CELF2: variants seen among roughly 807,000 people sequenced by gnomAD.
The protein encoded by CELF2 is CUGBP Elav-like family member 2.
Under a neutral mutation model 62.6 loss-of-function variants are expected in CELF2, and 8 were observed. That is an observed-to-expected ratio of 0.13 (90% confidence interval 0.07 to 0.23). CELF2 has a LOEUF of 0.23. Ranked by LOEUF, CELF2 falls within the 10% of genes least tolerant of loss-of-function variation. CELF2 has a pLI of 1.00. For missense variants in CELF2, 333 were observed against 671.0 expected (o/e 0.50, Z 5.56); for synonymous variants, 258 against 250.0 (o/e 1.03, Z -0.30).
the CELF2 span, among the ~76,000 whole-genome samples, chr10:10,487,866 A>C: frequency 6.6e-6 from 1 of 152,186 alleles, no homozygotes; most frequent in Non-Finnish European, 1.5e-5. Flanking sequence ...GAACATAAGA[A>C]TGAGAAATTG....
the CELF2 span, among the ~76,000 whole-genome samples, chr10:10,480,032 A>G: frequency 6.6e-6 from 1 of 152,154 alleles, no homozygotes; most frequent in African/African-American, 2.4e-5. Context: ...GATCTCACCT[A>G]TGATTTCTGG....
intron 1 of CELF2, among the ~76,000 whole-genome samples, chr10:11,097,573 A>T (rs2050255923): frequency 6.6e-6 from 1 of 152,192 alleles, no homozygotes; most frequent in South Asian, 2.1e-4. Flanking sequence ...CAGGGAATTG[A>T]GTGCTCCGGT....
In CELF2 at chr10:11,302,399, C is replaced by G. The variant is rs146128901; in HGVS notation, c.977-11740C>G. On this transcript the variant is annotated intron_variant, in intron 9 of 12. Coordinates refer to ENST00000633077, the MANE Select transcript of CELF2 (RefSeq NM_001326342.2). The surrounding 1 kb of genome is among the most constrained non-coding windows in gnomAD (Gnocchi z 5.0). Reference sequence around the variant, plus strand: ...CCCACAACCAGAGCGTCTGACTCAGCGGGAGTGAGGGGAGCCCCAGGTGGT... The same window carrying G: ...CCCACAACCAGAGCGTCTGACTCAGGGGGAGTGAGGGGAGCCCCAGGTGGT... Among the ~76,000 whole-genome samples, 201 of 152,304 alleles carry G rather than the reference C, an allele frequency of 1.3e-3. No individual in the cohort carries two copies. In the East Asian group the frequency reaches 0.033, roughly 25 times the overall value.
At chr10:11,198,146 C>G (rs1295707204) in intron 2 of CELF2, among the ~76,000 whole-genome samples, 1 of 152,200 alleles carries the variant, frequency 6.6e-6, no homozygotes, top group Non-Finnish European at 1.5e-5. Context: ...ATCTGCTGTT[C>G]TAAGACTGAT....
chr10:10,898,874 C>T (rs899372951), intron 1 of CELF2, among the ~76,000 whole-genome samples: 3 of 152,018 alleles, frequency 2.0e-5, no homozygotes, highest in Non-Finnish European at 4.4e-5. Context: ...AAATAAGTCT[C>T]AATGAATTTA....
intron 3 of CELF2, among the ~76,000 whole-genome samples, chr10:11,240,944 T>G (rs529802448): frequency 2.8e-4 from 42 of 152,236 alleles, no homozygotes; most frequent in African/African-American, 1.0e-3. Context: ...AGACCTGGAT[T>G]CGAATCCCTG....
chr10:10,509,982 C>G, the CELF2 span, among the ~76,000 whole-genome samples: 2 of 152,194 alleles, frequency 1.3e-5, no homozygotes, highest in African/African-American at 4.8e-5. Context: ...ACAACCAAGG[C>G]CCAGCACCTG....
chr10:11,326,037 G>A lies in CELF2; in HGVS notation c.1438+58G>A, dbSNP rs138208769. 1,729 of 1,526,868 alleles carry A rather than the reference G, an allele frequency of 1.1e-3. 23 individuals are homozygous for A. In the African/African-American group the frequency reaches 0.021, roughly 19 times the overall value. The allele number at this position is 1,526,868 out of a possible 1,614,324, so 94.6% of individuals were successfully genotyped here. ...GTAGGTTCCCAAGTGAAGAGTCGTG[G>A]GAAGGAAAATGTGAGACAGTTTCAG... On this transcript the variant is annotated intron_variant, in intron 12 of 12. Transcript: ENST00000633077.
At chr10:10,828,331 C>CA (rs879783726) in intron 1 of CELF2, among the ~76,000 whole-genome samples, 1 of 152,126 alleles carries the variant, frequency 6.6e-6, no homozygotes, top group Non-Finnish European at 1.5e-5. Context: ...TATTCAGCCT[C>CA]AAAAAAGAGG....
upstream of CELF2, among the ~76,000 whole-genome samples, chr10:11,016,673 G>A (rs2057303807): frequency 6.6e-6 from 1 of 152,176 alleles, no homozygotes; most frequent in Non-Finnish European, 1.5e-5. This position sits in a 1 kb window ranked among gnomAD's most constrained non-coding sequence, Gnocchi z 5.2. Flanking sequence ...TTAACCCTCT[G>A]GTTTGTGTGA....
chr10:10,606,164 G>T, the CELF2 span, among the ~76,000 whole-genome samples: 1 of 152,146 alleles, frequency 6.6e-6, no homozygotes, highest in African/African-American at 2.4e-5. Flanking sequence ...TTCAGTGACT[G>T]CCTCCTGTAA....
chr10:10,615,257 T>G, the CELF2 span, among the ~76,000 whole-genome samples: 1 of 152,126 alleles, frequency 6.6e-6, no homozygotes, highest in Non-Finnish European at 1.5e-5. Flanking sequence ...CCAATTCACC[T>G]ACTGTTTAAA....
rs188874409 is a variant in CELF2, at chr10:11,061,969, C to T, written c.74+43806C>T. 7.6e-4 allele frequency among the ~76,000 whole-genome samples: 116 copies of T among 152,324 alleles called. 1 individual carries two copies. The highest frequency in any genetic ancestry group is 1.2e-3 in the Non-Finnish European group (82 of 68,032). ...CTAGAACTATAGGCACCTGCCACCA[C>T]GCCCAGGTAATTTTGTATTTTTAGT... On this transcript the variant is annotated intron_variant, in intron 1 of 12. Transcript: ENST00000633077.
the CELF2 span, among the ~76,000 whole-genome samples, chr10:10,534,062 A>G: frequency 6.6e-6 from 1 of 152,130 alleles, no homozygotes; most frequent in Non-Finnish European, 1.5e-5. Context: ...TATTTTGAAT[A>G]GGAGAAAATA....
chr10:10,910,113 T>C (rs1227267140), intron 1 of CELF2, among the ~76,000 whole-genome samples: 1 of 152,246 alleles, frequency 6.6e-6, no homozygotes, highest in Non-Finnish European at 1.5e-5. Context: ...TTAGTGATAT[T>C]ATGTCCCTGG....
the CELF2 span, among the ~76,000 whole-genome samples, chr10:10,504,267 A>C: frequency 1.3e-5 from 2 of 152,068 alleles, no homozygotes; most frequent in East Asian, 3.9e-4. Flanking sequence ...TCTGCATGTG[A>C]CAAATTCTCT....
At chr10:10,696,326 G>A in the CELF2 span, among the ~76,000 whole-genome samples, 58 of 151,904 alleles carry the variant, frequency 3.8e-4, no homozygotes, top group African/African-American at 1.3e-3. Flanking sequence ...GGGGTCAGGG[G>A]TCAGGGACCC....
At chr10:10,564,041 T>C in the CELF2 span, among the ~76,000 whole-genome samples, 1 of 152,192 alleles carries the variant, frequency 6.6e-6, no homozygotes, top group African/African-American at 2.4e-5. Flanking sequence ...AGTAGAAGTA[T>C]AACATGTTAG....
At chr10:10,497,906 G>C in the CELF2 span, among the ~76,000 whole-genome samples, 1 of 152,182 alleles carries the variant, frequency 6.6e-6, no homozygotes, top group Non-Finnish European at 1.5e-5. Flanking sequence ...TTTCTGTTGA[G>C]AATAAATAGA....
Sources: allele counts gnomAD v4.1 joint callset (sites outside exome capture counted in the v4.1 genomes callset), GRCh38; gene constraint gnomAD v4.1.1; non-coding constraint Gnocchi (gnomAD v3.1); transcripts MANE v1.5; gene names NCBI Gene and HGNC (gene_info 2026-07-23, HGNC 2026-07-21).